SLC13A1: variants seen among roughly 807,000 people sequenced by gnomAD.
The protein encoded by SLC13A1 is solute carrier family 13 member 1.
In SLC13A1, 65 loss-of-function variants were observed where a neutral mutation model predicts 70.0. That is an observed-to-expected ratio of 0.93 (90% CI 0.76 to 1.14). The LOEUF (loss-of-function observed/expected upper bound fraction) is 1.14, where lower values mean the gene tolerates loss of function less well. Ranked by LOEUF, SLC13A1 falls within the 50% of genes most tolerant of loss-of-function variation. SLC13A1 has a pLI of 0.00. For missense variants in SLC13A1, 726 were observed against 717.8 expected, an observed-to-expected ratio of 1.01 and a Z score of -0.13; for synonymous variants, 275 against 250.5, an observed-to-expected ratio of 1.10 and a Z score of -0.92.
At chr7:123,191,948 C>T (rs1458660055) in intron 1 of SLC13A1, among the ~76,000 whole-genome samples, 1 of 152,140 alleles carries the variant, frequency 6.6e-6, no homozygotes, top group Non-Finnish European at 1.5e-5. Flanking sequence ...TCTGTTCTTT[C>T]TAATATTGTT....
rs920744601 is a variant in SLC13A1, at chr7:123,191,496, G to C, written c.99+8352C>G. 4.7e-4 allele frequency among the ~76,000 whole-genome samples: 71 copies of C among 152,222 alleles called. 1 individual carries two copies. The highest frequency in any genetic ancestry group is 1.6e-3 in the African/African-American group (68 of 41,542). The stretch of plus-strand genomic sequence containing the variant: ...CTTTATTTGCTTTGTGTTTCCAATG[G>C]AGAAAGAGCTTGGGAAGGGAGGATC... On this transcript the variant is annotated intron_variant, in intron 1 of 14. Transcript: ENST00000194130.
intron 6 of SLC13A1, among the ~76,000 whole-genome samples, chr7:123,151,386 G>GTGTA (rs142703205): frequency 0.029 from 4,244 of 145,778 alleles, 81 homozygotes; most frequent in Non-Finnish European, 0.04. Flanking sequence ...GTGTGTGTGT[G>GTGTA]TATATATATA....
intron 14 of SLC13A1, among the ~76,000 whole-genome samples, chr7:123,116,133 G>T (rs374565495): frequency 1.2e-3 from 180 of 152,218 alleles, no homozygotes; most frequent in African/African-American, 4.0e-3. Context: ...TTCACTCAAC[G>T]TAATTGTTAA....
In SLC13A1 at chr7:123,134,402, T is replaced by A. The variant is rs761346621; in HGVS notation, c.932+8A>T. 1 of 1,611,520 alleles carries A rather than the reference T, an allele frequency of 6.2e-7. No homozygotes were observed. The highest frequency in any genetic ancestry group is 2.2e-5 in the East Asian group (1 of 44,750). ...TATTTAGCCTATTAACATGAAATATTTACTTACTTGAATCCTAGGAAAAGC... is the reference window on the plus strand; with the variant it reads ...TATTTAGCCTATTAACATGAAATATATACTTACTTGAATCCTAGGAAAAGC... On this transcript the variant is annotated splice_region_variant and intron_variant, in intron 8 of 14. Coordinates refer to ENST00000194130, the MANE Select transcript of SLC13A1 (RefSeq NM_022444.4).
intron 9 of SLC13A1, among the ~76,000 whole-genome samples, 181 bp downstream of exon 9, chr7:123,129,202 A>G (rs1179353328): frequency 6.6e-6 from 1 of 152,098 alleles, no homozygotes; most frequent in African/African-American, 2.4e-5. Flanking sequence ...GTTATAGTCT[A>G]TAATCTCCAT....
At chr7:123,126,281 A>T (rs972665488) in intron 10 of SLC13A1, among the ~76,000 whole-genome samples, 14 of 152,202 alleles carry the variant, frequency 9.2e-5, no homozygotes, top group Non-Finnish European at 1.6e-4. Flanking sequence ...AATCAAGAAT[A>T]TTAATTGTTG....
chr7:123,117,753 C>G, intron 13 of SLC13A1, 145 bp from the exon 14 acceptor site: 1 of 478,608 alleles, frequency 2.1e-6, no homozygotes, highest in Non-Finnish European at 3.7e-6. Context: ...GCAGTTATAA[C>G]TTGAATATTT....
Position 123,167,267 on chromosome 7 carries a change from A to G in SLC13A1, c.660+1107T>C, listed in dbSNP as rs371426831. ...TGTATTATTCTATAACATACCTGGC[A>G]TACTGTTAATTTTTCATGTTTTATA... On this transcript the variant is annotated intron_variant, in intron 6 of 14. Coordinates refer to ENST00000194130, the MANE Select transcript of SLC13A1 (RefSeq NM_022444.4). Among the ~76,000 whole-genome samples, 12 of 152,204 alleles carry G rather than the reference A, an allele frequency of 7.9e-5. 2 individuals are homozygous for G. The highest frequency in any genetic ancestry group is 7.2e-4 in the Admixed American group (11 of 15,280).
intron 9 of SLC13A1, 25 bp downstream of exon 9, chr7:123,129,357 TG>T: frequency 1.0e-5 from 12 of 1,178,144 alleles, no homozygotes; most frequent in Admixed American, 2.0e-5. Flanking sequence ...TGTGTGTGTG[TG>T]TGTGTGTGTG....
chr7:123,198,878 G>A (rs116038525), intron 1 of SLC13A1, among the ~76,000 whole-genome samples: 3,765 of 152,142 alleles, frequency 0.025, 67 homozygotes, highest in Non-Finnish European at 0.03. Flanking sequence ...CACCCAAGGA[G>A]ACTGGCACTG....
chr7:123,148,347 A>G (rs1007578585), intron 6 of SLC13A1: 1 of 334,544 alleles, frequency 3.0e-6, no homozygotes, highest in South Asian at 2.3e-5. Context: ...CAGATTTTTT[A>G]TCTCATTTCC....
In SLC13A1 at chr7:123,169,197, A is replaced by T. The variant is rs1445509806; in HGVS notation, c.504T>A (p.Thr168=). 1 of 1,613,930 alleles carries T rather than the reference A, an allele frequency of 6.2e-7. No homozygotes were observed. The highest frequency in any genetic ancestry group is 8.5e-7 in the Non-Finnish European group (1 of 1,179,984). Residue 168 remains threonine, a synonymous_variant, in exon 4 of 15, where the codon ACT becomes ACA. Transcript: ENST00000194130. ...TTGATCCGTTGAAGTAAGTCATCTG[A>T]GTGGCCTCGACCTCTGCTTCTGCAT... ...IINAEAEVEA[T]QMTYFNGSTN...
At chr7:123,141,301 T>C (rs1012636784) in intron 7 of SLC13A1, among the ~76,000 whole-genome samples, 1 of 152,162 alleles carries the variant, frequency 6.6e-6, no homozygotes, top group Non-Finnish European at 1.5e-5. Context: ...ATTTTTTGAA[T>C]GTTTTAAGAC....
chr7:123,169,228 A>G lies in SLC13A1; in HGVS notation c.473T>C (p.Ile158Thr). Residue 158 changes from isoleucine (I) to threonine (T), a missense_variant, in exon 4 of 15, where the codon ATC becomes ACC. Physicochemically the swap from Ile to Thr is moderately conservative, Grantham distance 89 (BLOSUM62 -1). Transcript: ENST00000194130. ...CTCGACCTCTGCTTCTGCATTGATG[A>G]TCTGCTGCACTACAGCCTCCGCAAT... Reference protein sequence around the residue: ...MPIAEAVVQQIINAEAEVEAT... With the variant: ...MPIAEAVVQQTINAEAEVEAT... The G allele has an allele frequency of 6.2e-7, 1 of 1,614,008 alleles. No individual in the cohort carries two copies. Among genetic ancestry groups the G allele is most frequent in the Middle Eastern group, 1.7e-4 (1 of 6,056 alleles).
chr7:123,137,399 C>G (rs1294353003), intron 7 of SLC13A1, among the ~76,000 whole-genome samples: 3 of 152,172 alleles, frequency 2.0e-5, no homozygotes, highest in African/African-American at 7.2e-5. Context: ...GCAATTGAAA[C>G]TGAGTTAATC....
intron 12 of SLC13A1, 92 bp from the exon 13 acceptor site, chr7:123,119,334 A>G: frequency 1.1e-6 from 1 of 907,926 alleles, no homozygotes; most frequent in Non-Finnish European, 1.6e-6. Flanking sequence ...TTTCCTTTGA[A>G]AACTCACTTT....
chr7:123,188,281 C>T (rs1178927784), intron 1 of SLC13A1, among the ~76,000 whole-genome samples: 3 of 152,174 alleles, frequency 2.0e-5, no homozygotes, highest in African/African-American at 7.2e-5. Flanking sequence ...TTTCTTGAGG[C>T]CTCCCAGTCA....
intron 14 of SLC13A1, among the ~76,000 whole-genome samples, chr7:123,116,311 T>C (rs893548300): frequency 2.6e-5 from 4 of 152,240 alleles, no homozygotes; most frequent in Non-Finnish European, 2.9e-5. Context: ...CCTTGATTTG[T>C]TTTGGTAAAT....
intron 6 of SLC13A1, among the ~76,000 whole-genome samples, chr7:123,150,236 T>TACTGAGA (rs1024427192): frequency 3.3e-5 from 5 of 152,178 alleles, no homozygotes; most frequent in Non-Finnish European, 5.9e-5. Flanking sequence ...TCTTTACAAG[T>TACTGAGA]AGCTTTGCCT....
Sources: allele counts gnomAD v4.1 joint callset (sites outside exome capture counted in the v4.1 genomes callset), GRCh38; gene constraint gnomAD v4.1.1; transcripts MANE v1.5; gene names NCBI Gene and HGNC (gene_info 2026-07-23, HGNC 2026-07-21).